Variants in GABBR2 observed in about 807,000 individuals in gnomAD.
The protein encoded by GABBR2 is gamma-aminobutyric acid type B receptor subunit 2, also known as G-protein coupled receptor 51.
In GABBR2, 23 loss-of-function variants were observed where a neutral mutation model predicts 105.6. The ratio of observed to expected loss-of-function variants is 0.22; its 90% CI spans 0.16 to 0.31. The LOEUF (loss-of-function observed/expected upper bound fraction) is 0.31. Among genes scored for constraint, GABBR2 ranks in the 10% least tolerant of loss-of-function variants. The pLI, the probability that GABBR2 is intolerant of heterozygous loss-of-function variation, is 1.00. For missense variants in GABBR2, 734 were observed against 1,245.5 expected, an observed-to-expected ratio of 0.59 and a Z score of 6.18; for synonymous variants, 478 against 499.7, an observed-to-expected ratio of 0.96 and a Z score of 0.58.
intron 2 of GABBR2, among the ~76,000 whole-genome samples, chr9:98,544,308 C>T (rs367965758): frequency 2.0e-3 from 300 of 152,244 alleles, no homozygotes; most frequent in African/African-American, 6.8e-3. Context: ...GAGATTTGTC[C>T]CTTTCCATGT....
At chr9:98,601,875 G>C (rs897680421) in intron 1 of GABBR2, among the ~76,000 whole-genome samples, 3 of 152,232 alleles carry the variant, frequency 2.0e-5, no homozygotes, top group Non-Finnish European at 4.4e-5. Context: ...GGTAGTGGAT[G>C]TCAAGCCCCA....
intron 7 of GABBR2, among the ~76,000 whole-genome samples, chr9:98,422,514 G>GTGTGTGTGTA: frequency 6.6e-6 from 1 of 151,780 alleles, no homozygotes; most frequent in East Asian, 1.9e-4. Flanking sequence ...GTGTGTGTGT[G>GTGTGTGTGTA]TGTGTGTCTG....
At chr9:98,461,621 A>C (rs996815540) in intron 6 of GABBR2, among the ~76,000 whole-genome samples, 7 of 152,240 alleles carry the variant, frequency 4.6e-5, no homozygotes, top group African/African-American at 1.4e-4. Context: ...TCTAAATGAC[A>C]AGATAGGAAA....
At chr9:98,494,778 T>C (rs896834516) in intron 4 of GABBR2, among the ~76,000 whole-genome samples, 4 of 152,246 alleles carry the variant, frequency 2.6e-5, no homozygotes, top group African/African-American at 9.6e-5. Flanking sequence ...ATTTTCATTA[T>C]GGTTAATGTC....
chr9:98,442,043 G>C (rs536644113), intron 7 of GABBR2, among the ~76,000 whole-genome samples: 88 of 152,216 alleles, frequency 5.8e-4, no homozygotes, highest in African/African-American at 1.9e-3. Context: ...TTTCTACAAG[G>C]GACATGGATA....
intron 3 of GABBR2, among the ~76,000 whole-genome samples, chr9:98,523,237 C>T (rs961790754): frequency 6.6e-6 from 1 of 152,034 alleles, no homozygotes; most frequent in African/African-American, 2.4e-5. Context: ...AGGTATTATT[C>T]AGGAGAAAAG....
chr9:98,482,659 AGACCTGG>A (rs1364765450), intron 4 of GABBR2, among the ~76,000 whole-genome samples: 1 of 152,182 alleles, frequency 6.6e-6, no homozygotes, highest in Non-Finnish European at 1.5e-5. Context: ...TTGAAGTCAG[AGACCTGG>A]GTTCAAATCA....
chr9:98,406,002 T>C, intron 8 of GABBR2, 79 bp downstream of exon 8: 1 of 807,034 alleles, frequency 1.2e-6, no homozygotes, highest in Non-Finnish European at 2.1e-6. Flanking sequence ...GCATTCCTTT[T>C]GATGTATTAT....
At chr9:98,487,523 C>T (rs1033614653) in intron 4 of GABBR2, among the ~76,000 whole-genome samples, 3 of 152,016 alleles carry the variant, frequency 2.0e-5, no homozygotes, top group African/African-American at 7.3e-5. Context: ...GCCTGTAATC[C>T]CAGCACATTA....
At chr9:98,451,268 C>G (rs1044787018) in intron 7 of GABBR2, among the ~76,000 whole-genome samples, 1 of 152,150 alleles carries the variant, frequency 6.6e-6, no homozygotes, top group African/African-American at 2.4e-5. Context: ...AGAAGCTCTT[C>G]TTTAATCTGT....
chr9:98,685,236 T>C (rs1209242152), intron 1 of GABBR2, among the ~76,000 whole-genome samples: 3 of 152,236 alleles, frequency 2.0e-5, no homozygotes, highest in Admixed American at 1.3e-4. Flanking sequence ...TTTTGGACTT[T>C]GGGAACTACA....
chr9:98,488,901 G>A (rs1422828974), intron 4 of GABBR2, among the ~76,000 whole-genome samples: 1 of 152,176 alleles, frequency 6.6e-6, no homozygotes, highest in Non-Finnish European at 1.5e-5. Flanking sequence ...ATGGCCTCAG[G>A]CAAGTTATTA....
intron 1 of GABBR2, 131 bp downstream of exon 1, chr9:98,708,286 G>T: frequency 1.1e-6 from 1 of 916,360 alleles, no homozygotes; most frequent in Non-Finnish European, 1.5e-6. Flanking sequence ...CTGGGCACCA[G>T]CCCTCTCTGC....
At chr9:98,410,049 C>A (rs539799209) in intron 7 of GABBR2, among the ~76,000 whole-genome samples, 16 of 152,212 alleles carry the variant, frequency 1.1e-4, no homozygotes, top group Middle Eastern at 3.4e-3. Flanking sequence ...GCTTTCAGAG[C>A]CACCGTGGCC....
chr9:98,651,149 T>TG (rs1830098775), intron 1 of GABBR2, among the ~76,000 whole-genome samples: 1 of 150,368 alleles, frequency 6.7e-6, no homozygotes, highest in African/African-American at 2.4e-5. Context: ...GTTTTTTTTT[T>TG]TTTTTTTTTT....
At chr9:98,417,495 A>G (rs1159954600) in intron 7 of GABBR2, among the ~76,000 whole-genome samples, 2 of 152,270 alleles carry the variant, frequency 1.3e-5, no homozygotes, top group South Asian at 2.1e-4. Flanking sequence ...GCTTACAGTG[A>G]GTAGTTCGGG....
rs563519813 is a variant in GABBR2, at chr9:98,423,090, A to C, written c.1237-16949T>G. ...TAAACACACGTGTGCATGTGTCTTT[A>C]TAGCAGCATGATTTATAGTCCTTTG... On this transcript the variant is annotated intron_variant, in intron 7 of 18. Coordinates refer to ENST00000259455, the MANE Select transcript of GABBR2 (RefSeq NM_005458.8). Among the ~76,000 whole-genome samples the C allele has an allele frequency of 9.9e-5, 15 of 152,276 alleles. No individual in the cohort carries two copies. In the South Asian group the frequency reaches 1.0e-3, roughly 11 times the overall value.
At chr9:98,604,373 C>T (rs1391376937) in intron 1 of GABBR2, among the ~76,000 whole-genome samples, 1 of 152,190 alleles carries the variant, frequency 6.6e-6, no homozygotes, top group Non-Finnish European at 1.5e-5. Flanking sequence ...GCAGGTTCAC[C>T]GAAGTTCTCA....
At chr9:98,293,324 T>A (rs1309112065) in intron 18 of GABBR2, among the ~76,000 whole-genome samples, 1 of 152,140 alleles carries the variant, frequency 6.6e-6, no homozygotes, top group Non-Finnish European at 1.5e-5. Context: ...ACATGCCACT[T>A]CTTGCTTTTT....
Sources: gnomAD v4.1 joint callset for allele counts (sites outside exome capture counted in the v4.1 genomes callset) on GRCh38, gnomAD v4.1.1 for gene constraint, MANE v1.5 for transcripts, NCBI Gene and HGNC (gene_info 2026-07-23, HGNC 2026-07-21) for gene names.